Variants in TNFRSF8 observed in about 807,000 individuals in gnomAD.
TNFRSF8 encodes TNF receptor superfamily member 8.
In TNFRSF8, 26 loss-of-function variants were observed where a neutral mutation model predicts 70.8. That is an observed-to-expected ratio of 0.37 (90% CI 0.27 to 0.51). The LOEUF is 0.51. TNFRSF8 is among the 20% of genes least tolerant of loss of function. TNFRSF8 has a pLI of 0.94. For missense variants in TNFRSF8, 720 were observed against 807.9 expected, an observed-to-expected ratio of 0.89 and a Z score of 1.32; for synonymous variants, 356 against 339.2, an observed-to-expected ratio of 1.05 and a Z score of -0.54.
chr1:12,065,883 G>A (rs956587422), intron 1 of TNFRSF8, among the ~76,000 whole-genome samples: 11 of 152,144 alleles, frequency 7.2e-5, no homozygotes, highest in Admixed American at 6.5e-4. Flanking sequence ...GGAAATAAAT[G>A]TCTGTGATTC....
chr1:12,133,325 A>AC (rs1181237927), intron 12 of TNFRSF8, among the ~76,000 whole-genome samples: 1 of 82,424 alleles, frequency 1.2e-5, no homozygotes, highest in Non-Finnish European at 2.4e-5. Context: ...ACTTTGTCAC[A>AC]CTTTTTTTTT....
At chr1:12,134,023 G>A (rs1033403546) in intron 12 of TNFRSF8, among the ~76,000 whole-genome samples, 10 of 152,204 alleles carry the variant, frequency 6.6e-5, no homozygotes, top group Non-Finnish European at 1.5e-4. Flanking sequence ...CTGGGTGACA[G>A]AGTGAGACTC....
intron 12 of TNFRSF8, among the ~76,000 whole-genome samples, chr1:12,130,484 C>T (rs1481506375): frequency 2.0e-5 from 3 of 152,138 alleles, no homozygotes; most frequent in Non-Finnish European, 2.9e-5. Flanking sequence ...CCAAGGAGCC[C>T]GGGGTTTGCA....
At position 12,104,250 on chromosome 1, in the gene TNFRSF8, CA is replaced by C. The variant is rs1641475772; in HGVS notation, c.269-128del. 10 of 928,174 alleles carry C rather than the reference CA, an allele frequency of 1.1e-5. No individual in the cohort carries two copies. The South Asian group carries it at 1.5e-4, about 14-fold the overall frequency. The allele number at this position is 928,174 out of a possible 1,614,324, so 57.5% of individuals were successfully genotyped here. A position where few individuals can be genotyped will look rare whatever the true frequency, so the allele number is the denominator to read the frequency against. On this transcript the variant is annotated intron_variant, in intron 3 of 14. Coordinates refer to ENST00000263932, the MANE Select transcript of TNFRSF8 (RefSeq NM_001243.5). ...TTTTTAATCCAATTTTAGTGGTCAC[CA>C]GGGGGTTGAGCTGGGAGGCGGAGGC...
intron 2 of TNFRSF8, among the ~76,000 whole-genome samples, chr1:12,094,244 T>G (rs191701717): frequency 1.3e-5 from 2 of 152,250 alleles, no homozygotes; most frequent in African/African-American, 4.8e-5. Flanking sequence ...GAAATGAGTC[T>G]TTGTTTTTAT....
rs779712555 is a variant in TNFRSF8, at chr1:12,123,805, G to A, written c.1131G>A (p.Thr377=). The A allele has an allele frequency of 1.4e-5, 22 of 1,571,546 alleles. No homozygotes were observed. In the Admixed American group the frequency reaches 1.9e-4, roughly 13 times the overall value. The change falls in exon 10 of 15, where the codon ACG becomes ACA. Residue 377 remains threonine, a synonymous_variant. Coordinates refer to ENST00000263932, the MANE Select transcript of TNFRSF8 (RefSeq NM_001243.5). ...PTSAPVALSS[T]GKPVLDAGPV... ...GCGCTCCCGTCGCTCTCTCCTCCAC[G>A]GGGAAGCCCGTTCTGGATGCAGGTA...
chr1:12,077,962 A>G (rs901360887), intron 1 of TNFRSF8: 1 of 151,796 alleles, frequency 6.6e-6, no homozygotes, highest in South Asian at 2.1e-4. Flanking sequence ...CAATTTTAGT[A>G]TATGTGCTAT....
Position 12,110,395 on chromosome 1 carries a change from C to G in TNFRSF8, c.676+191C>G, listed in dbSNP as rs946467335. On this transcript the variant is annotated intron_variant, in intron 6 of 14. Transcript: ENST00000263932. The surrounding 1 kb of genome is among the most constrained non-coding windows in gnomAD (Gnocchi z 4.0). ...AGAGGTAGACACCAGAGGGCTCATT[C>G]ATTTGCCAGCAGTGCAGAGGGCCTG... Among the ~76,000 whole-genome samples the G allele has an allele frequency of 6.6e-6, 1 of 152,168 alleles. No homozygotes were observed. The highest frequency in any genetic ancestry group is 1.5e-5 in the Non-Finnish European group (1 of 68,016).
chr1:12,116,764 A>C (rs780117637), intron 8 of TNFRSF8, among the ~76,000 whole-genome samples: 98 of 152,006 alleles, frequency 6.4e-4, no homozygotes, highest in Non-Finnish European at 1.2e-3. Flanking sequence ...TGCACCACTG[A>C]ACTCCAGCCT....
In TNFRSF8 at chr1:12,142,258, C is replaced by A; in HGVS notation, c.1544-29C>A. On this transcript the variant is annotated intron_variant, in intron 14 of 14. Coordinates refer to ENST00000263932, the MANE Select transcript of TNFRSF8 (RefSeq NM_001243.5). The surrounding 1 kb of genome is among the most constrained non-coding windows in gnomAD (Gnocchi z 5.0). ...CCATCCTGGCTGGTGCTCTGGCCTC[C>A]CTCGCTCACCCATCCTTTTGCCTTG... The A allele has an allele frequency of 6.5e-7, 1 of 1,543,810 alleles. No individual in the cohort carries two copies. Among genetic ancestry groups the A allele is most frequent in the East Asian group, 2.3e-5 (1 of 42,938 alleles).
At chr1:12,117,336 A>G (rs542978980) in intron 8 of TNFRSF8, among the ~76,000 whole-genome samples, 5 of 151,830 alleles carry the variant, frequency 3.3e-5, no homozygotes, top group African/African-American at 1.2e-4. Flanking sequence ...GCCCGCCTCC[A>G]CCTCCCAAAG....
Position 12,104,466 on chromosome 1 carries a change from T to C in TNFRSF8, c.356T>C (p.Val119Ala). 1 of 1,614,174 alleles carries C rather than the reference T, an allele frequency of 6.2e-7. No homozygotes were observed. Among genetic ancestry groups the C allele is most frequent in the Non-Finnish European group, 8.5e-7 (1 of 1,180,034 alleles). The part of the protein sequence containing the change: ...RPGMFCSTSA[V>A]NSCARCFFHS... ...GGCATGTTCTGTTCCACGTCTGCCG[T>C]CAACTCCTGTGCCCGCTGCTTCTTC... The change falls in exon 4 of 15, where the codon GTC (valine) becomes GCC (alanine). Residue 119 changes from valine (V) to alanine (A), a missense_variant. Physicochemically the swap from Val to Ala is moderately conservative, Grantham distance 64 (BLOSUM62 0). Transcript: ENST00000263932.
chr1:12,123,710 C>A lies in TNFRSF8; in HGVS notation c.1041-5C>A. 1.3e-6 allele frequency: 2 copies of A among 1,556,872 alleles called. No homozygotes were observed. Among genetic ancestry groups the A allele is most frequent in the East Asian group, 4.8e-5 (2 of 41,572 alleles). The stretch of plus-strand genomic sequence containing the variant: ...ATCACTCCTGCCTTGGGCTTCTCCC[C>A]GCAGCACCAGCCCCACTCAGAGCTT... On this transcript the variant is annotated splice_region_variant and splice_polypyrimidine_tract_variant and intron_variant, in intron 9 of 14. Transcript: ENST00000263932.
intron 10 of TNFRSF8, 148 bp from the exon 11 acceptor site, chr1:12,125,803 T>G: frequency 1.1e-5 from 8 of 719,896 alleles, no homozygotes; most frequent in Non-Finnish European, 1.8e-5. Context: ...GAGGGCTGGA[T>G]GAGATAAGAG....
chr1:12,084,824 A>C (rs1478748180), intron 2 of TNFRSF8, among the ~76,000 whole-genome samples: 1 of 152,186 alleles, frequency 6.6e-6, no homozygotes, highest in Non-Finnish European at 1.5e-5. Flanking sequence ...TTGGACACTT[A>C]CTATCCATGA....
intron 1 of TNFRSF8, among the ~76,000 whole-genome samples, chr1:12,082,697 A>C (rs1361910134): frequency 1.3e-5 from 2 of 152,128 alleles, no homozygotes; most frequent in Non-Finnish European, 1.5e-5. Flanking sequence ...CGATTAAACA[A>C]TCTCATCTAG....
chr1:12,104,600 A>C, intron 4 of TNFRSF8, 69 bp downstream of exon 4: 1 of 1,587,176 alleles, frequency 6.3e-7, no homozygotes, highest in Non-Finnish European at 8.6e-7. Flanking sequence ...CGCCCACCCC[A>C]GTGCACTGTT....
chr1:12,089,213 C>T (rs1034288242), intron 2 of TNFRSF8, among the ~76,000 whole-genome samples: 2 of 152,206 alleles, frequency 1.3e-5, no homozygotes, highest in Non-Finnish European at 2.9e-5. Context: ...TTCCACTTTC[C>T]TAACACTCCT....
chr1:12,086,534 A>C (rs1641156527), intron 2 of TNFRSF8, among the ~76,000 whole-genome samples: 1 of 115,224 alleles, frequency 8.7e-6, no homozygotes, highest in African/African-American at 3.4e-5. Context: ...CCACTCACCA[A>C]CCCACCCCTC....
Sources: gnomAD v4.1 joint callset for allele counts (sites outside exome capture counted in the v4.1 genomes callset) on GRCh38, gnomAD v4.1.1 for gene constraint, Gnocchi (gnomAD v3.1) non-coding constraint, MANE v1.5 for transcripts, NCBI Gene and HGNC (gene_info 2026-07-23, HGNC 2026-07-21) for gene names.